The following ARSB variants were observed in gnomAD, a reference collection of about 807,000 sequenced individuals.
The protein encoded by ARSB is arylsulfatase B, also known as N-acetylgalactosamine-4-sulfatase.
ARSB carries 41 observed loss-of-function variants against 50.9 expected under a neutral mutation model. That is an observed-to-expected ratio of 0.81 (90% confidence interval 0.63 to 1.04). ARSB has a LOEUF of 1.04. Among genes scored for constraint, ARSB ranks in the 50% least tolerant of loss-of-function variants. The pLI, the probability that ARSB is intolerant of heterozygous loss-of-function variation, is 0.00. For missense variants in ARSB, 672 were observed against 693.3 expected (o/e 0.97, Z 0.35); for synonymous variants, 269 against 284.8 (o/e 0.94, Z 0.56).
At chr5:78,971,319 G>A (rs1353005525) in intron 1 of ARSB, among the ~76,000 whole-genome samples, 2 of 152,112 alleles carry the variant, frequency 1.3e-5, no homozygotes, top group Non-Finnish European at 2.9e-5. Flanking sequence ...TGTAGAAAGT[G>A]GGACTGGGGT....
At chr5:78,955,542 G>T in intron 3 of ARSB, 40 bp from the exon 4 acceptor site, 1 of 1,505,404 alleles carries the variant, frequency 6.6e-7, no homozygotes, top group Non-Finnish European at 9.2e-7. Flanking sequence ...AGAGGATATT[G>T]AAGCATTAAA....
chr5:78,854,502 C>T (rs1000090853), intron 5 of ARSB, among the ~76,000 whole-genome samples: 10 of 152,154 alleles, frequency 6.6e-5, no homozygotes, highest in African/African-American at 9.7e-5. Flanking sequence ...CATTCAGGAA[C>T]GTGTTTAACT....
chr5:78,796,109 C>T (rs766031773), intron 6 of ARSB, among the ~76,000 whole-genome samples: 23 of 152,254 alleles, frequency 1.5e-4, no homozygotes, highest in African/African-American at 2.6e-4. Flanking sequence ...AACTCATGAC[C>T]GTTGTAGTAA....
chr5:78,789,013 A>C (rs1749170643), intron 6 of ARSB, among the ~76,000 whole-genome samples: 1 of 152,232 alleles, frequency 6.6e-6, no homozygotes, highest in South Asian at 2.1e-4. Flanking sequence ...TGGGTTCACC[A>C]AAAAGGGAAG....
intron 5 of ARSB, among the ~76,000 whole-genome samples, chr5:78,857,077 GC>G (rs1746187260): frequency 6.6e-6 from 1 of 152,182 alleles, no homozygotes; most frequent in Non-Finnish European, 1.5e-5. Flanking sequence ...TCCAGATTCT[GC>G]AGACATGGAA....
chr5:78,972,984 T>C (rs1752523726), intron 1 of ARSB, among the ~76,000 whole-genome samples: 1 of 152,184 alleles, frequency 6.6e-6, no homozygotes, highest in Non-Finnish European at 1.5e-5. Flanking sequence ...TCCAAAAACA[T>C]GTTTTCGGTC....
At chr5:78,872,979 A>C (rs926811345) in intron 5 of ARSB, among the ~76,000 whole-genome samples, 1 of 152,114 alleles carries the variant, frequency 6.6e-6, no homozygotes, top group African/African-American at 2.4e-5. Flanking sequence ...AACATACATA[A>C]ACGTGAACAA....
chr5:78,924,915 A>G (rs1377362594), intron 4 of ARSB, among the ~76,000 whole-genome samples: 1 of 152,210 alleles, frequency 6.6e-6, no homozygotes, highest in African/African-American at 2.4e-5. Flanking sequence ...CACTGTATAT[A>G]TACATGACAG....
chr5:78,942,728 G>T lies in ARSB; in HGVS notation c.898+12567C>A, dbSNP rs980932829. ...TGTGGTCAATTTTGGAATAGGTGTG[G>T]TGTGGTGCTGAAAAGAATGTATATT... is the stretch of plus-strand genomic sequence containing the variant. On this transcript the variant is annotated intron_variant, in intron 4 of 7. Transcript: ENST00000264914. 3.4e-4 allele frequency among the ~76,000 whole-genome samples: 52 copies of T among 152,150 alleles called. 1 individual carries two copies. The highest frequency in any genetic ancestry group is 1.0e-4 in the Non-Finnish European group (7 of 68,020).
intron 4 of ARSB, among the ~76,000 whole-genome samples, chr5:78,926,522 G>C (rs1025774914): frequency 1.3e-5 from 2 of 152,066 alleles, no homozygotes; most frequent in East Asian, 1.9e-4. Flanking sequence ...GTCACTGGGA[G>C]GCAATACCCT....
intron 4 of ARSB, among the ~76,000 whole-genome samples, chr5:78,918,028 T>G (rs11738153): frequency 0.29 from 44,165 of 152,094 alleles, 6,728 homozygotes; most frequent in Middle Eastern, 0.36. Flanking sequence ...TAAAGACAAT[T>G]CATTCTAGTT....
At chr5:78,976,408 C>G (rs1036330609) in intron 1 of ARSB, among the ~76,000 whole-genome samples, 1 of 142,226 alleles carries the variant, frequency 7.0e-6, no homozygotes, top group Non-Finnish European at 1.5e-5. Flanking sequence ...CGCCATCTAC[C>G]CCCCTGCCCC....
chr5:78,821,387 C>A (rs1744216231), intron 6 of ARSB, among the ~76,000 whole-genome samples: 1 of 152,234 alleles, frequency 6.6e-6, no homozygotes, highest in African/African-American at 2.4e-5. Context: ...ATCCACCCAC[C>A]TCAGCCTCCC....
chr5:78,962,255 G>T (rs189181419), intron 3 of ARSB, among the ~76,000 whole-genome samples: 29 of 152,276 alleles, frequency 1.9e-4, no homozygotes, highest in Admixed American at 1.8e-3. Flanking sequence ...AAGTGTTAAG[G>T]TGCATCCATA....
chr5:78,970,176 C>T (rs1036308629), intron 1 of ARSB, among the ~76,000 whole-genome samples: 1 of 143,310 alleles, frequency 7.0e-6, no homozygotes, highest in African/African-American at 2.4e-5. Context: ...TTAAAATAGC[C>T]CTCCCTTTTC....
chr5:78,878,090 T>TG (rs1455804294), intron 5 of ARSB, among the ~76,000 whole-genome samples: 1 of 144,626 alleles, frequency 6.9e-6, no homozygotes, highest in Non-Finnish European at 1.5e-5. Flanking sequence ...GAAAACAGAA[T>TG]TTTTTTTAAA....
At chr5:78,939,646 G>A (rs1750803496) in intron 4 of ARSB, among the ~76,000 whole-genome samples, 1 of 152,164 alleles carries the variant, frequency 6.6e-6, no homozygotes, top group African/African-American at 2.4e-5. Context: ...ATTCCATGGT[G>A]TGTATGTGCC....
chr5:78,816,518 G>A (rs1028494515), intron 6 of ARSB, among the ~76,000 whole-genome samples: 1 of 152,170 alleles, frequency 6.6e-6, no homozygotes, highest in African/African-American at 2.4e-5. Flanking sequence ...ACCCCCTGGT[G>A]TTACTCCTGA....
chr5:78,809,355 C>T (rs568790019), intron 6 of ARSB, among the ~76,000 whole-genome samples: 32 of 152,318 alleles, frequency 2.1e-4, no homozygotes, highest in Admixed American at 2.1e-3. Context: ...ACTTGGGCAA[C>T]GGGAACAGCA....
Sources: gnomAD v4.1 joint callset for allele counts (sites outside exome capture counted in the v4.1 genomes callset) on GRCh38, gnomAD v4.1.1 for gene constraint, MANE v1.5 for transcripts, NCBI Gene and HGNC (gene_info 2026-07-23, HGNC 2026-07-21) for gene names.